The following CTNNA2 variants were observed in gnomAD, a reference collection of about 807,000 sequenced individuals.
CTNNA2 encodes catenin alpha 2.
A neutral mutation model predicts 101.0 loss-of-function variants in CTNNA2; 42 were observed. That is an observed-to-expected ratio of 0.42 (90% confidence interval 0.32 to 0.54). The LOEUF (loss-of-function observed/expected upper bound fraction) is 0.54, where lower values mean the gene tolerates loss of function less well. CTNNA2 is among the 20% of genes least tolerant of loss of function. CTNNA2 has a pLI of 0.14. For synonymous variants in CTNNA2, 450 were observed against 456.4 expected, an observed-to-expected ratio of 0.99 and a Z score of 0.18; for missense variants, 871 against 1,223.1, an observed-to-expected ratio of 0.71 and a Z score of 4.29.
intron 2 of CTNNA2, among the ~76,000 whole-genome samples, chr2:79,208,505 C>G (rs1007606541): frequency 9.2e-5 from 14 of 152,140 alleles, no homozygotes; most frequent in Non-Finnish European, 1.6e-4. Flanking sequence ...AAGAGATATG[C>G]TGGAAAGTAT....
chr2:79,835,776 G>C (rs569368337), intron 3 of CTNNA2, among the ~76,000 whole-genome samples: 2 of 136,746 alleles, frequency 1.5e-5, no homozygotes, highest in Non-Finnish European at 3.1e-5. Flanking sequence ...GGGACTACAG[G>C]CATGTGCCAC....
chr2:79,896,142 G>T (rs1205971006), intron 6 of CTNNA2, among the ~76,000 whole-genome samples: 2 of 152,106 alleles, frequency 1.3e-5, no homozygotes, highest in South Asian at 2.1e-4. Context: ...CATTAGCCAG[G>T]TGTGGTGCCA....
At chr2:79,386,684 C>A (rs770101531) in intron 4 of CTNNA2, among the ~76,000 whole-genome samples, 2 of 152,160 alleles carry the variant, frequency 1.3e-5, no homozygotes, top group African/African-American at 4.8e-5. Flanking sequence ...ACTGAAAAGT[C>A]TCAAGATAAG....
intron 7 of CTNNA2, among the ~76,000 whole-genome samples, chr2:79,926,363 A>C (rs1687020057): frequency 6.6e-6 from 1 of 152,148 alleles, no homozygotes; most frequent in Non-Finnish European, 1.5e-5. Context: ...TATAGATGTA[A>C]TATTTTGCAG....
chr2:79,285,077 G>A (rs1180183748), intron 2 of CTNNA2, among the ~76,000 whole-genome samples: 1 of 149,036 alleles, frequency 6.7e-6, no homozygotes, highest in African/African-American at 2.5e-5. Flanking sequence ...TCTGATGGTA[G>A]TTTGTATTTC....
At chr2:79,460,854 C>A (rs1340440641) in intron 4 of CTNNA2, among the ~76,000 whole-genome samples, 1 of 142,620 alleles carries the variant, frequency 7.0e-6, no homozygotes, top group African/African-American at 2.6e-5. Flanking sequence ...TTTTCTTTTT[C>A]TTTTCGAGAC....
intron 3 of CTNNA2, among the ~76,000 whole-genome samples, chr2:79,804,799 T>C (rs1467719681): frequency 1.3e-5 from 2 of 152,232 alleles, no homozygotes; most frequent in Non-Finnish European, 2.9e-5. Context: ...ATGCAAGTTA[T>C]AGCACTTTAA....
chr2:79,540,858 C>G (rs941183058), intron 1 of CTNNA2, among the ~76,000 whole-genome samples: 4 of 152,114 alleles, frequency 2.6e-5, no homozygotes, highest in Admixed American at 1.3e-4. Flanking sequence ...ACTTTTCCTA[C>G]TTACTGTAAG....
At chr2:80,644,910 T>G (rs1371126808) in intron 18 of CTNNA2, among the ~76,000 whole-genome samples, 1 of 152,146 alleles carries the variant, frequency 6.6e-6, no homozygotes, top group African/African-American at 2.4e-5. Flanking sequence ...AAAGGGGTTC[T>G]GAAGAAGAGA....
At chr2:79,653,563 C>T (rs1045742940) in intron 2 of CTNNA2, among the ~76,000 whole-genome samples, 1 of 152,070 alleles carries the variant, frequency 6.6e-6, no homozygotes, top group Non-Finnish European at 1.5e-5. Flanking sequence ...TCACTTGGAC[C>T]TTTTAATCCT....
intron 7 of CTNNA2, among the ~76,000 whole-genome samples, chr2:80,185,151 C>T (rs1224130716): frequency 6.6e-6 from 1 of 152,176 alleles, no homozygotes; most frequent in East Asian, 1.9e-4. Context: ...TAAAGCTTCA[C>T]TCAGAGAAGA....
intron 1 of CTNNA2, among the ~76,000 whole-genome samples, chr2:79,589,694 A>C (rs1190741305): frequency 1.5e-5 from 2 of 135,968 alleles, no homozygotes; most frequent in African/African-American, 5.6e-5. Context: ...GCTTTCCTGC[A>C]GCATTTTCCA....
At chr2:79,660,015 TG>T (rs35371648) in intron 2 of CTNNA2, among the ~76,000 whole-genome samples, 69 of 152,044 alleles carry the variant, frequency 4.5e-4, no homozygotes, top group African/African-American at 1.6e-3. Context: ...TAATAAAACT[TG>T]GGGGTGAATG....
At chr2:80,082,721 A>G (rs1008443725) in intron 7 of CTNNA2, among the ~76,000 whole-genome samples, 1 of 152,200 alleles carries the variant, frequency 6.6e-6, no homozygotes, top group Non-Finnish European at 1.5e-5. Context: ...TGACCAGAAT[A>G]TGATGTCTCT....
intron 1 of CTNNA2, among the ~76,000 whole-genome samples, chr2:79,647,909 A>C (rs971528101): frequency 6.6e-6 from 1 of 152,210 alleles, no homozygotes; most frequent in Non-Finnish European, 1.5e-5. Context: ...GTTTTGGACC[A>C]GTAGGTTATA....
intron 17 of CTNNA2, chr2:80,613,086 C>CT (rs1698595506): frequency 6.8e-6 from 1 of 146,448 alleles, no homozygotes; most frequent in African/African-American, 2.5e-5. Context: ...GAGTAGTTAC[C>CT]TTTTACAGAG....
intron 2 of CTNNA2, among the ~76,000 whole-genome samples, chr2:79,299,372 C>G (rs980457056): frequency 6.6e-6 from 1 of 152,122 alleles, no homozygotes; most frequent in Non-Finnish European, 1.5e-5. Flanking sequence ...GCGTCATAGG[C>G]TACAAGATGC....
intron 7 of CTNNA2, among the ~76,000 whole-genome samples, chr2:80,184,740 TAGACAGTGAAA>T (rs545445229): frequency 1.3e-5 from 2 of 152,294 alleles, no homozygotes; most frequent in South Asian, 4.1e-4. Flanking sequence ...ACCCTCCTAA[TAGACAGTGAAA>T]AGACAAACCT....
At chr2:79,210,393 A>G (rs1433090072) in intron 2 of CTNNA2, among the ~76,000 whole-genome samples, 1 of 152,172 alleles carries the variant, frequency 6.6e-6, no homozygotes, top group Non-Finnish European at 1.5e-5. Context: ...CAGAGGAAAT[A>G]GAGTTCATTT....
Sources: gnomAD v4.1 joint callset for allele counts (sites outside exome capture counted in the v4.1 genomes callset) on GRCh38, gnomAD v4.1.1 for gene constraint, MANE v1.5 for transcripts, NCBI Gene and HGNC (gene_info 2026-07-23, HGNC 2026-07-21) for gene names.